PRSS16: variants seen among roughly 807,000 people sequenced by gnomAD.
PRSS16 encodes thymus-specific serine protease.
PRSS16 carries 43 observed loss-of-function variants against 61.7 expected under a neutral mutation model. The ratio of observed to expected loss-of-function variants is 0.70; its 90% CI spans 0.55 to 0.90. The LOEUF is 0.90. Among genes scored for constraint, PRSS16 ranks in the 40% least tolerant of loss-of-function variants. PRSS16 has a pLI of 0.00. For synonymous variants in PRSS16, 273 were observed against 285.2 expected (o/e 0.96, Z 0.43); for missense variants, 591 against 659.1 (o/e 0.90, Z 1.13).
chr6:27,253,707 G>T, intron 9 of PRSS16: 1 of 212,780 alleles, frequency 4.7e-6, no homozygotes, highest in South Asian at 6.6e-5. Context: ...GGCAAACTTG[G>T]GCAAGTGACT....
Position 27,252,701 on chromosome 6 carries a change from A to C in PRSS16, c.1009-107A>C, listed in dbSNP as rs1013370196. ...GACTCCCAGGAGAACTCAGGAACTCACCCTTCTATTTCTGACTTTTGACCT... is the reference window on the plus strand; with the variant it reads ...GACTCCCAGGAGAACTCAGGAACTCCCCCTTCTATTTCTGACTTTTGACCT... On this transcript the variant is annotated intron_variant, in intron 8 of 11. Coordinates refer to ENST00000230582, the MANE Select transcript of PRSS16 (RefSeq NM_005865.4). The surrounding 1 kb of genome is among the most constrained non-coding windows in gnomAD (Gnocchi z 4.2). 11 of 1,263,384 alleles carry C rather than the reference A, an allele frequency of 8.7e-6. No homozygotes were observed. In the Admixed American group the frequency reaches 2.1e-4, roughly 24 times the overall value. 78.3% of individuals were successfully genotyped at this position (1,263,384 alleles called of 1,614,324 possible).
Position 27,255,212 on chromosome 6 carries a change from A to T in PRSS16, c.1477-35A>T, listed in dbSNP as rs753772782. The T allele has an allele frequency of 1.4e-5, 23 of 1,613,678 alleles. No individual in the cohort carries two copies. Among genetic ancestry groups the T allele is most frequent in the Non-Finnish European group, 1.9e-5 (22 of 1,179,794 alleles). On this transcript the variant is annotated intron_variant, in intron 11 of 11. Coordinates refer to ENST00000230582, the MANE Select transcript of PRSS16 (RefSeq NM_005865.4). The surrounding 1 kb of genome is among the most constrained non-coding windows in gnomAD (Gnocchi z 4.4). ...TGTTCCCTCCTTCTGCTGGTGCTGA[A>T]ATCTGACTTTCAAATTCTTCCCACC...
In PRSS16 at chr6:27,249,224, C is replaced by A; in HGVS notation, c.462C>A (p.Arg154=). Residue 154 remains arginine, a synonymous_variant, in exon 4 of 12, where the codon CGC becomes CGA. Coordinates refer to ENST00000230582, the MANE Select transcript of PRSS16 (RefSeq NM_005865.4). ...EMAQLRFLSS[R]LALADVVSAR... ...CCCAGCTCCGCTTCTTGTCCAGCCG[C>A]CTTGCGTGAGTGGAGGAAGGGAAAG... 2 of 1,613,498 alleles carry A rather than the reference C, an allele frequency of 1.2e-6. No homozygotes were observed. Among genetic ancestry groups the A allele is most frequent in the African/African-American group, 2.7e-5 (2 of 75,014 alleles).
In PRSS16 at chr6:27,254,759, T is replaced by TGG. The variant is rs1759991550; in HGVS notation, c.1217_1218insGG (p.Cys407AspfsTer13). On this transcript the variant is annotated frameshift_variant, in exon 10 of 12. Coordinates refer to ENST00000230582, the MANE Select transcript of PRSS16 (RefSeq NM_005865.4). LOFTEE classifies it high-confidence loss of function. ...CCAGCACTGCCCTCCCAGCTAGACC[T>TGG]ATGTGAGCAGGTGTTTGGGCTCTCA... 6.2e-7 allele frequency: 1 copy of TGG among 1,613,964 alleles called. No individual in the cohort carries two copies. The highest frequency in any genetic ancestry group is 1.3e-5 in the African/African-American group (1 of 74,926).
At chr6:27,254,628 A>G (rs1268084300) in intron 9 of PRSS16, 65 bp from the exon 10 acceptor site, 1 of 1,437,412 alleles carries the variant, frequency 7.0e-7, no homozygotes, top group African/African-American at 1.4e-5. Flanking sequence ...AGCTTTGAAA[A>G]TGATTATTGA....
intron 4 of PRSS16, 38 bp downstream of exon 4, chr6:27,249,267 C>A: frequency 6.2e-7 from 1 of 1,600,108 alleles, no homozygotes; most frequent in Non-Finnish European, 8.5e-7. Flanking sequence ...GGTCAAAGGA[C>A]AGGAATGTCT....
At position 27,255,097 on chromosome 6, in the gene PRSS16, C is replaced by T; in HGVS notation, c.1442C>T (p.Pro481Leu). 1 of 1,614,168 alleles carries T rather than the reference C, an allele frequency of 6.2e-7. No individual in the cohort carries two copies. Among genetic ancestry groups the T allele is most frequent in the Non-Finnish European group, 8.5e-7 (1 of 1,180,034 alleles). Residue 481 changes from proline (P) to leucine (L), a missense_variant, in exon 11 of 12, where the codon CCC (proline) becomes CTC (leucine). Pro to Leu is a moderately conservative substitution (Grantham distance 98). Transcript: ENST00000230582. The surrounding 1 kb of genome is among the most constrained non-coding windows in gnomAD (Gnocchi z 4.4). ...SHCLDMAPER[P>L]SDSPSLRLGR... ...TGCTTGGACATGGCACCTGAGAGGC[C>T]CTCAGACTCCCCCAGCCTCCGCCTA...
Position 27,251,948 on chromosome 6 carries a change from CT to C in PRSS16, c.917del (p.Leu306GlnfsTer42). The stretch of plus-strand genomic sequence containing the variant: ...GTATGATGGGCAGACGGGAGCGCCG[CT>C]AAGCGTGCGACAGCTCTGCGGACTT... ...VQYDGQTGAP[L>X]SVRQLCGLLL... is the part of the protein sequence containing the mutation. On this transcript the variant is annotated frameshift_variant, in exon 8 of 12. Transcript: ENST00000230582. LOFTEE classifies it high-confidence loss of function. This position sits in a 1 kb window ranked among gnomAD's most constrained non-coding sequence, Gnocchi z 5.6. 1 of 1,610,050 alleles carries C rather than the reference CT, an allele frequency of 6.2e-7. No homozygotes were observed.
At position 27,251,575 on chromosome 6, in the gene PRSS16, A is replaced by G; in HGVS notation, c.718-175A>G. ...GGAAGACCCGAGAAGGAGGGCTGCG[A>G]GGCAGGGGATTGGGGGCGGGGGCCT... On this transcript the variant is annotated intron_variant, in intron 7 of 11. Coordinates refer to ENST00000230582, the MANE Select transcript of PRSS16 (RefSeq NM_005865.4). This position sits in a 1 kb window ranked among gnomAD's most constrained non-coding sequence, Gnocchi z 5.6. The G allele has an allele frequency of 5.1e-6, 2 of 389,330 alleles. No individual in the cohort carries two copies. Among genetic ancestry groups the G allele is most frequent in the South Asian group, 6.9e-5 (2 of 28,868 alleles). 24.1% of individuals were successfully genotyped at this position (389,330 alleles called of 1,614,324 possible). A position where few individuals can be genotyped will look rare whatever the true frequency, so the allele number is the denominator to read the frequency against.
At chr6:27,248,787 AATTGAGAAT>A in intron 2 of PRSS16, 51 bp from the exon 3 acceptor site, 1 of 1,090,092 alleles carries the variant, frequency 9.2e-7, no homozygotes, top group African/African-American at 1.6e-5. Flanking sequence ...ACAAATGAGG[AATTGAGAAT>A]AAGTCAGGAC....
In PRSS16 at chr6:27,252,547, T is replaced by C. The variant is rs533324342; in HGVS notation, c.1009-261T>C. Among the ~76,000 whole-genome samples, 2 of 152,272 alleles carry C rather than the reference T, an allele frequency of 1.3e-5. No homozygotes were observed. The highest frequency in any genetic ancestry group is 3.9e-4 in the East Asian group (2 of 5,170). On this transcript the variant is annotated intron_variant, in intron 8 of 11. Coordinates refer to ENST00000230582, the MANE Select transcript of PRSS16 (RefSeq NM_005865.4). This position sits in a 1 kb window ranked among gnomAD's most constrained non-coding sequence, Gnocchi z 4.2. ...GATAGGCACTATTATTATCGCCACT[T>C]ACAGAAAAGGAAACTGAAGTCTGAA...
intron 9 of PRSS16, chr6:27,253,644 A>G (rs1042176721): frequency 5.0e-6 from 1 of 199,434 alleles, no homozygotes; most frequent in African/African-American, 2.3e-5. Context: ...CAAATACTAC[A>G]TATGGTAAAT....
chr6:27,253,557 C>A, intron 9 of PRSS16: 1 of 421,396 alleles, frequency 2.4e-6, no homozygotes, highest in Non-Finnish European at 4.7e-6. Flanking sequence ...GGTAGTGTTG[C>A]CAGATACAAT....
chr6:27,252,828 C>T lies in PRSS16; in HGVS notation c.1029C>T (p.Gly343=), dbSNP rs748721540. Reference sequence around the variant, plus strand: ...CCTAGATTGTCTTGCACAGCCTGGGCCAGAAGTGTTTAAGCTTTTCCCGAG... The same window carrying T: ...CCTAGATTGTCTTGCACAGCCTGGGTCAGAAGTGTTTAAGCTTTTCCCGAG... The part of the protein sequence containing the change: ...RAVQIVLHSL[G]QKCLSFSRAE... Residue 343 remains glycine (G), a synonymous_variant, in exon 9 of 12, where the codon GGC becomes GGT. Coordinates refer to ENST00000230582, the MANE Select transcript of PRSS16 (RefSeq NM_005865.4). This position sits in a 1 kb window ranked among gnomAD's most constrained non-coding sequence, Gnocchi z 4.2. 6.2e-7 allele frequency: 1 copy of T among 1,614,024 alleles called. No homozygotes were observed. Among genetic ancestry groups the T allele is most frequent in the South Asian group, 1.1e-5 (1 of 91,068 alleles).
At chr6:27,250,838 AG>A (rs759074949) in intron 5 of PRSS16, 32 bp downstream of exon 5, 91 of 1,583,548 alleles carry the variant, frequency 5.7e-5, no homozygotes, top group African/African-American at 1.4e-5. Flanking sequence ...GGCTGGGGGG[AG>A]GGAACTCGGA....
Position 27,252,023 on chromosome 6 carries a change from CT to C in PRSS16, c.993del (p.Arg332ValfsTer16). The C allele has an allele frequency of 6.5e-7, 1 of 1,543,186 alleles. No homozygotes were observed. Among genetic ancestry groups the C allele is most frequent in the Non-Finnish European group, 8.7e-7 (1 of 1,148,388 alleles). The stretch of plus-strand genomic sequence containing the variant: ...CAGCCACTCCACGCCCTACTGCGGG[CT>C]TCGTCGGGCGGTGCAGGTGAGCACT... ...NRSHSTPYCG[L>X]RRAVQIVLHS... On this transcript the variant is annotated frameshift_variant, in exon 8 of 12. Coordinates refer to ENST00000230582, the MANE Select transcript of PRSS16 (RefSeq NM_005865.4). LOFTEE classifies it high-confidence loss of function. The surrounding 1 kb of genome is among the most constrained non-coding windows in gnomAD (Gnocchi z 4.2).
Position 27,252,063 on chromosome 6 carries a change from G to A in PRSS16, c.1008+23G>A, listed in dbSNP as rs774339425. 4.1e-6 allele frequency: 6 copies of A among 1,468,976 alleles called. No homozygotes were observed. In the African/African-American group the frequency reaches 5.8e-5, roughly 14 times the overall value. 91.0% of individuals were successfully genotyped at this position (1,468,976 alleles called of 1,614,324 possible). ...CAGGTGAGCACTCCCTGGCACAGCT[G>A]GGAGGAGTTAGCGGACAAAGATTCC... On this transcript the variant is annotated intron_variant, in intron 8 of 11. Coordinates refer to ENST00000230582, the MANE Select transcript of PRSS16 (RefSeq NM_005865.4). The surrounding 1 kb of genome is among the most constrained non-coding windows in gnomAD (Gnocchi z 4.2).
chr6:27,250,554 G>T, intron 4 of PRSS16, 129 bp from the exon 5 acceptor site: 1 of 1,372,430 alleles, frequency 7.3e-7, no homozygotes, highest in East Asian at 2.5e-5. Context: ...AACACGTCAT[G>T]AGAAAACGGC....
In PRSS16 at chr6:27,251,736, C is replaced by T; in HGVS notation, c.718-14C>T. On this transcript the variant is annotated splice_polypyrimidine_tract_variant and intron_variant, in intron 7 of 11. Transcript: ENST00000230582. This position sits in a 1 kb window ranked among gnomAD's most constrained non-coding sequence, Gnocchi z 5.6. The stretch of plus-strand genomic sequence containing the variant: ...GCCTAAGTCTTGGCGGACATCGCCT[C>T]TTGCTTCCCACAGTGCCGGGCGGCG... The T allele has an allele frequency of 6.3e-7, 1 of 1,585,006 alleles. No individual in the cohort carries two copies. Among genetic ancestry groups the T allele is most frequent in the South Asian group, 1.1e-5 (1 of 88,484 alleles).
Sources: gnomAD v4.1 joint callset for allele counts (sites outside exome capture counted in the v4.1 genomes callset) on GRCh38, gnomAD v4.1.1 for gene constraint, Gnocchi (gnomAD v3.1) non-coding constraint, MANE v1.5 for transcripts, NCBI Gene and HGNC (gene_info 2026-07-23, HGNC 2026-07-21) for gene names.